Variants in TSPAN2 observed in about 807,000 individuals in gnomAD.
TSPAN2 encodes tetraspanin 2, also known as tetraspanin-2.
A neutral mutation model predicts 33.3 loss-of-function variants in TSPAN2; 24 were observed. The ratio of observed to expected loss-of-function variants is 0.72; its 90% CI spans 0.52 to 1.01. TSPAN2 has a LOEUF of 1.01. Among genes scored for constraint, TSPAN2 ranks in the 50% least tolerant of loss-of-function variants. The pLI, the probability that TSPAN2 is intolerant of heterozygous loss-of-function variation, is 0.00. For synonymous variants in TSPAN2, 114 were observed against 104.5 expected, an observed-to-expected ratio of 1.09 and a Z score of -0.56; for missense variants, 278 against 281.3, an observed-to-expected ratio of 0.99 and a Z score of 0.08.
intron 4 of TSPAN2, among the ~76,000 whole-genome samples, chr1:115,059,950 A>G (rs188638219): frequency 2.6e-5 from 4 of 152,332 alleles, no homozygotes; most frequent in African/African-American, 7.2e-5. Flanking sequence ...TTACAGAGGA[A>G]GAAAGGCTAC....
chr1:115,069,174 T>C (rs1343575139), intron 2 of TSPAN2, among the ~76,000 whole-genome samples: 3 of 152,240 alleles, frequency 2.0e-5, no homozygotes, highest in African/African-American at 7.2e-5. Context: ...ACCCATATCA[T>C]GCCCTGTGAC....
chr1:115,068,986 T>G (rs1188283431), intron 2 of TSPAN2, among the ~76,000 whole-genome samples: 1 of 152,182 alleles, frequency 6.6e-6, no homozygotes, highest in Non-Finnish European at 1.5e-5. Flanking sequence ...CCTGGCTGAC[T>G]GCCAGCCCCA....
intron 4 of TSPAN2, among the ~76,000 whole-genome samples, 173 bp from the exon 5 acceptor site, chr1:115,059,154 A>G (rs890481999): frequency 6.6e-5 from 10 of 152,174 alleles, no homozygotes; most frequent in African/African-American, 2.4e-4. Context: ...GGTGAGGGAT[A>G]AAAGACTGCA....
At chr1:115,051,517 CAA>C (rs755298443) in intron 7 of TSPAN2, among the ~76,000 whole-genome samples, 28 of 152,054 alleles carry the variant, frequency 1.8e-4, no homozygotes, top group Admixed American at 4.6e-4. Flanking sequence ...AGAAGAATGC[CAA>C]AGAGTCTTCT....
chr1:115,061,140 A>G (rs4839405), intron 3 of TSPAN2, among the ~76,000 whole-genome samples: 45,014 of 152,136 alleles, frequency 0.3, 6,863 homozygotes, highest in East Asian at 0.46. Flanking sequence ...TAGGAGAAAG[A>G]GAAGGAATGA....
chr1:115,063,467 T>C (rs1647812143), intron 2 of TSPAN2, among the ~76,000 whole-genome samples: 1 of 152,208 alleles, frequency 6.6e-6, no homozygotes, highest in South Asian at 2.1e-4. Flanking sequence ...TATACAATGT[T>C]GCGAATGTAA....
chr1:115,071,223 T>C (rs2101038002), intron 2 of TSPAN2, among the ~76,000 whole-genome samples: 1 of 152,282 alleles, frequency 6.6e-6, no homozygotes, highest in South Asian at 2.1e-4. Flanking sequence ...TTCTTGGCCA[T>C]GATTGGTTTA....
Position 115,049,922 on chromosome 1 carries a change from G to T in TSPAN2, c.*568C>A, listed in dbSNP as rs1473320709. ...TACAGATGTGTTTAGTTCTAAAACT[G>T]TGGTTTACTGTATTCTGGGGAGAGC... On this transcript the variant is annotated 3_prime_UTR_variant, in exon 8 of 8. Coordinates refer to ENST00000369516, the MANE Select transcript of TSPAN2 (RefSeq NM_005725.6). 6.5e-6 allele frequency: 1 copy of T among 153,120 alleles called. No homozygotes were observed. The highest frequency in any genetic ancestry group is 2.4e-5 in the African/African-American group (1 of 41,404). The allele number at this position is 153,120 out of a possible 1,614,324, so 9.5% of individuals were successfully genotyped here. A position where few individuals can be genotyped will look rare whatever the true frequency, so the allele number is the denominator to read the frequency against.
chr1:115,082,556 C>T (rs1190580489), intron 1 of TSPAN2, among the ~76,000 whole-genome samples: 3 of 152,232 alleles, frequency 2.0e-5, no homozygotes, highest in Non-Finnish European at 4.4e-5. Context: ...AGTTTTTGCT[C>T]CTGAAATTAA....
intron 1 of TSPAN2, among the ~76,000 whole-genome samples, chr1:115,079,101 C>G (rs909142458): frequency 1.3e-5 from 2 of 151,726 alleles, no homozygotes; most frequent in African/African-American, 4.9e-5. Context: ...ATGCCTTCCA[C>G]TGGCAGGGGC....
At chr1:115,085,716 C>T (rs924073790) in intron 1 of TSPAN2, among the ~76,000 whole-genome samples, 1 of 152,218 alleles carries the variant, frequency 6.6e-6, no homozygotes, top group Admixed American at 6.5e-5. Context: ...GAATCAGGTT[C>T]CCTCAGTTAC....
intron 2 of TSPAN2, among the ~76,000 whole-genome samples, chr1:115,062,950 C>A (rs767332419): frequency 3.9e-5 from 6 of 152,148 alleles, no homozygotes; most frequent in Non-Finnish European, 8.8e-5. Flanking sequence ...CCGGACCTGG[C>A]CTCAGCGTTC....
chr1:115,087,787 A>G (rs1329564947), intron 1 of TSPAN2, among the ~76,000 whole-genome samples: 1 of 152,196 alleles, frequency 6.6e-6, no homozygotes, highest in East Asian at 1.9e-4. Context: ...ATTATGTGTA[A>G]TAATGAAAGT....
At position 115,082,488 on chromosome 1, in the gene TSPAN2, A is replaced by G. The variant is rs1302899696; in HGVS notation, c.69+6876T>C. On this transcript the variant is annotated intron_variant, in intron 1 of 7. Transcript: ENST00000369516. ...TTGTGAGGATTAAATTAGTTAATAAATGCTTAGGAAAGCAGCTGGCACATA... is the reference window on the plus strand; with the variant it reads ...TTGTGAGGATTAAATTAGTTAATAAGTGCTTAGGAAAGCAGCTGGCACATA... 5.3e-5 allele frequency among the ~76,000 whole-genome samples: 8 copies of G among 152,214 alleles called. 1 individual carries two copies. The East Asian group carries it at 1.5e-3, about 29-fold the overall frequency.
At chr1:115,084,553 A>AG (rs1208823907) in intron 1 of TSPAN2, among the ~76,000 whole-genome samples, 1 of 152,212 alleles carries the variant, frequency 6.6e-6, no homozygotes, top group East Asian at 1.9e-4. Context: ...GGTCCACACT[A>AG]GGGGACACTG....
At chr1:115,065,999 T>C (rs915493072) in intron 2 of TSPAN2, among the ~76,000 whole-genome samples, 9 of 152,218 alleles carry the variant, frequency 5.9e-5, no homozygotes, top group African/African-American at 1.9e-4. Flanking sequence ...TCATGTGATA[T>C]CTGCTCTTCC....
At position 115,050,358 on chromosome 1, in the gene TSPAN2, A is replaced by C. The variant is rs1675279888; in HGVS notation, c.*132T>G. On this transcript the variant is annotated 3_prime_UTR_variant, in exon 8 of 8. Coordinates refer to ENST00000369516, the MANE Select transcript of TSPAN2 (RefSeq NM_005725.6). Reference sequence around the variant, plus strand: ...AGTAATGAGCCAAACATACGTACTCATGCAAATGTACAATTGACAGCAAAT... The same window carrying C: ...AGTAATGAGCCAAACATACGTACTCCTGCAAATGTACAATTGACAGCAAAT... 3 of 822,686 alleles carry C rather than the reference A, an allele frequency of 3.6e-6. No homozygotes were observed. The highest frequency in any genetic ancestry group is 4.0e-5 in the Admixed American group (2 of 49,720). The allele number at this position is 822,686 out of a possible 1,614,324, so 51.0% of individuals were successfully genotyped here.
At chr1:115,086,916 T>C (rs759832431) in intron 1 of TSPAN2, among the ~76,000 whole-genome samples, 8 of 152,228 alleles carry the variant, frequency 5.3e-5, no homozygotes, top group Admixed American at 3.9e-4. Context: ...GAATTTTGTT[T>C]GTTTGTTTGT....
intron 1 of TSPAN2, 92 bp downstream of exon 1, chr1:115,089,272 T>G (rs1423363334): frequency 8.3e-7 from 1 of 1,199,866 alleles, no homozygotes; most frequent in African/African-American, 1.6e-5. Context: ...CGAGCGCGAC[T>G]CGGACGCCGC....
Sources: gnomAD v4.1 joint callset for allele counts (sites outside exome capture counted in the v4.1 genomes callset) on GRCh38, gnomAD v4.1.1 for gene constraint, MANE v1.5 for transcripts, NCBI Gene and HGNC (gene_info 2026-07-23, HGNC 2026-07-21) for gene names.